HTR3B: variants seen among roughly 807,000 people sequenced by gnomAD.
HTR3B encodes the protein 5-hydroxytryptamine receptor 3B.
A neutral mutation model predicts 42.8 loss-of-function variants in HTR3B; 44 were observed. The ratio of observed to expected loss-of-function variants is 1.03; its 90% CI spans 0.81 to 1.32. The LOEUF (loss-of-function observed/expected upper bound fraction) is 1.32, where lower values mean the gene tolerates loss of function less well. HTR3B is among the 40% of genes most tolerant of loss of function. The pLI is 0.00. For missense variants in HTR3B, 527 were observed against 536.5 expected, an observed-to-expected ratio of 0.98 and a Z score of 0.17; for synonymous variants, 203 against 209.0, an observed-to-expected ratio of 0.97 and a Z score of 0.25.
At chr11:113,937,545 C>G (rs1406836137) in intron 6 of HTR3B, among the ~76,000 whole-genome samples, 1 of 152,196 alleles carries the variant, frequency 6.6e-6, no homozygotes, top group African/African-American at 2.4e-5. Flanking sequence ...AAAGTTTGTA[C>G]CTATAATCCT....
intron 2 of HTR3B, among the ~76,000 whole-genome samples, chr11:113,919,922 G>T (rs960168912): frequency 6.6e-6 from 1 of 152,026 alleles, no homozygotes; most frequent in Non-Finnish European, 1.5e-5. Flanking sequence ...GGTTACTTTG[G>T]TGTCATTTTC....
Position 113,946,027 on chromosome 11 carries a change from C to T in HTR3B, c.1216C>T (p.Leu406=), listed in dbSNP as rs1950174640. 6.2e-7 allele frequency: 1 copy of T among 1,614,130 alleles called. No individual in the cohort carries two copies. The highest frequency in any genetic ancestry group is 8.5e-7 in the Non-Finnish European group (1 of 1,180,000). The change falls in exon 9 of 9, where the codon CTG becomes TTG. Residue 406 remains leucine, a synonymous_variant. Coordinates refer to ENST00000260191, the MANE Select transcript of HTR3B (RefSeq NM_006028.5). ...GACAGACCAACAGGAGGCAGAGTGG[C>T]TGGTCCTCCTGTCCCGCTTTGACCG... ...DQTDQQEAEW[L]VLLSRFDRLL...
At chr11:113,914,426 T>C (rs951036657) in intron 2 of HTR3B, among the ~76,000 whole-genome samples, 1 of 150,656 alleles carries the variant, frequency 6.6e-6, no homozygotes, top group Non-Finnish European at 1.5e-5. Context: ...ATCACGCCAT[T>C]GCACTCCAGC....
intron 2 of HTR3B, among the ~76,000 whole-genome samples, chr11:113,918,389 G>T (rs1949877984): frequency 6.6e-6 from 1 of 151,840 alleles, no homozygotes; most frequent in African/African-American, 2.4e-5. Flanking sequence ...GCCCCCAGGT[G>T]CTATCCCTTT....
At chr11:113,934,461 G>A (rs894326389) in intron 6 of HTR3B, among the ~76,000 whole-genome samples, 6 of 151,672 alleles carry the variant, frequency 4.0e-5, no homozygotes, top group Admixed American at 3.9e-4. Flanking sequence ...AAGAAGGAAA[G>A]AAAGAAAGAA....
In HTR3B at chr11:113,942,993, C is replaced by T. The variant is rs950910133; in HGVS notation, c.708C>T (p.Arg236=). The change falls in exon 7 of 9, where the codon CGC becomes CGT. Residue 236 remains arginine (R), a synonymous_variant. Coordinates refer to ENST00000260191, the MANE Select transcript of HTR3B (RefSeq NM_006028.5). The part of the protein sequence containing the change: ...FAQIQFNVVM[R]RHPLVYVVSL... Reference sequence around the variant, plus strand: ...TTGTTCCCGGCCAGGTGGTGATGCGCAGGCACCCCCTGGTCTATGTCGTGA... The same window carrying T: ...TTGTTCCCGGCCAGGTGGTGATGCGTAGGCACCCCCTGGTCTATGTCGTGA... The T allele has an allele frequency of 3.1e-6, 5 of 1,613,902 alleles. No homozygotes were observed. The African/African-American group carries it at 6.7e-5, about 22-fold the overall frequency.
intron 6 of HTR3B, among the ~76,000 whole-genome samples, chr11:113,937,932 C>G (rs1206429763): frequency 6.6e-6 from 1 of 152,102 alleles, no homozygotes; most frequent in Non-Finnish European, 1.5e-5. Context: ...AGGGTTGGTT[C>G]CTTCTGGGCA....
At chr11:113,936,546 T>TGA (rs956778064) in intron 6 of HTR3B, among the ~76,000 whole-genome samples, 33 of 151,338 alleles carry the variant, frequency 2.2e-4, no homozygotes, top group African/African-American at 6.8e-4. Flanking sequence ...GCAGATCATA[T>TGA]GAGAGAGAGA....
chr11:113,902,819 A>T (rs1196466943), upstream of HTR3B, among the ~76,000 whole-genome samples: 1 of 152,150 alleles, frequency 6.6e-6, no homozygotes, highest in African/African-American at 2.4e-5. Flanking sequence ...CTTTAGTCTG[A>T]TAGGTTCCTC....
chr11:113,931,468 G>T (rs531185180), intron 3 of HTR3B, 40 bp downstream of exon 3: 1 of 1,228,288 alleles, frequency 8.1e-7, no homozygotes, highest in African/African-American at 1.5e-5. Flanking sequence ...TTGCACTCCT[G>T]ATCTGGATCT....
At chr11:113,934,605 A>G (rs1394473189) in intron 6 of HTR3B, among the ~76,000 whole-genome samples, 1 of 152,134 alleles carries the variant, frequency 6.6e-6, no homozygotes, top group Non-Finnish European at 1.5e-5. Flanking sequence ...AACCTGACTA[A>G]TGTATAATGC....
At chr11:113,901,926 C>A (rs1270631376), upstream of HTR3B, among the ~76,000 whole-genome samples, 5 of 152,208 alleles carry the variant, frequency 3.3e-5, no homozygotes, top group African/African-American at 1.2e-4. Flanking sequence ...CTGCTACCTA[C>A]ATAGCTATAT....
At chr11:113,928,201 A>G (rs111776991) in intron 2 of HTR3B, among the ~76,000 whole-genome samples, 2,023 of 152,270 alleles carry the variant, frequency 0.013, 48 homozygotes, top group African/African-American at 0.045. Context: ...TGCCCCTGCA[A>G]AGGACATGAT....
At chr11:113,922,247 T>A (rs1000916839) in intron 2 of HTR3B, among the ~76,000 whole-genome samples, 7 of 152,054 alleles carry the variant, frequency 4.6e-5, no homozygotes, top group Non-Finnish European at 1.5e-5. Context: ...TATTTATTTA[T>A]TTATTTATTT....
chr11:113,946,070 A>AC lies in HTR3B; in HGVS notation c.1261dup (p.Leu421ProfsTer35). 6.5e-7 allele frequency: 1 copy of AC among 1,535,706 alleles called. No individual in the cohort carries two copies. Among genetic ancestry groups the AC allele is most frequent in the Non-Finnish European group, 8.8e-7 (1 of 1,136,646 alleles). ...TTTGACCGACTGCTCTTCCAAAGCTACCTTTTCATGCTGGGGATCTACACC... is the reference window on the plus strand; with the variant it reads ...TTTGACCGACTGCTCTTCCAAAGCTACCCTTTTCATGCTGGGGATCTACACC... On this transcript the variant is annotated frameshift_variant, in exon 9 of 9. Coordinates refer to ENST00000260191, the MANE Select transcript of HTR3B (RefSeq NM_006028.5). LOFTEE classifies it high-confidence loss of function.
In HTR3B at chr11:113,936,391, C is replaced by T. The variant is rs758178824; in HGVS notation, c.696+3298C>T. On this transcript the variant is annotated intron_variant, in intron 6 of 8. Coordinates refer to ENST00000260191, the MANE Select transcript of HTR3B (RefSeq NM_006028.5). ...ACAGGGTGTCCTAGAAAATGCAAAG[C>T]GGGCATTTGGGAAAGAAAGGTGCTT... 7.9e-5 allele frequency among the ~76,000 whole-genome samples: 12 copies of T among 152,158 alleles called. 1 individual carries two copies. Among genetic ancestry groups the T allele is most frequent in the Non-Finnish European group, 1.2e-4 (8 of 68,004 alleles).
intron 3 of HTR3B, 54 bp from the exon 4 acceptor site, chr11:113,931,704 C>A: frequency 9.9e-7 from 1 of 1,010,662 alleles, no homozygotes; most frequent in Non-Finnish European, 1.6e-6. Context: ...AGTTCTTTAG[C>A]GAAGTAGATA....
chr11:113,917,135 A>AT (rs60959011), intron 2 of HTR3B, among the ~76,000 whole-genome samples: 1,644 of 142,766 alleles, frequency 0.012, 17 homozygotes, highest in African/African-American at 0.03. Context: ...GAAATCTTCT[A>AT]TTTTTTTTTT....
chr11:113,943,806 G>A (rs1176035474), intron 7 of HTR3B, among the ~76,000 whole-genome samples: 2 of 150,862 alleles, frequency 1.3e-5, no homozygotes, highest in Non-Finnish European at 3.0e-5. Context: ...GAGCAAGAAC[G>A]GAAGGGAAGG....
Sources: allele counts gnomAD v4.1 joint callset (sites outside exome capture counted in the v4.1 genomes callset), GRCh38; gene constraint gnomAD v4.1.1; transcripts MANE v1.5; gene names NCBI Gene and HGNC (gene_info 2026-07-23, HGNC 2026-07-21).